Variants in TULP4 observed in about 807,000 individuals in gnomAD.
TULP4 encodes tubby-related protein 4.
TULP4 carries 16 observed loss-of-function variants against 129.0 expected under a neutral mutation model. The observed-to-expected ratio is 0.12, with a 90% CI of 0.08 to 0.19. The LOEUF is 0.19. Ranked by LOEUF, TULP4 falls within the 10% of genes least tolerant of loss-of-function variation. TULP4 has a pLI of 1.00. For missense variants in TULP4, 1,842 were observed against 2,059.1 expected, an observed-to-expected ratio of 0.89 and a Z score of 2.04; for synonymous variants, 998 against 854.0, an observed-to-expected ratio of 1.17 and a Z score of -2.94.
chr6:158,503,154 C>T lies in TULP4; in HGVS notation c.3491C>T (p.Ser1164Phe), dbSNP rs1780508000. ...MLSQGQHLDV[S>F]RLPFISPKSP... The stretch of plus-strand genomic sequence containing the variant: ...AGTCAGGGCCAGCACCTGGACGTGT[C>T]CCGACTGCCCTTCATCTCCCCCAAG... The change falls in exon 13 of 14, where the codon TCC (serine) becomes TTC (phenylalanine). Residue 1164 changes from serine to phenylalanine, a missense_variant. Around this residue, in one of 5 missense-constraint regions of TULP4, gnomAD observed 1,089 missense variants for 987.1 expected, o/e 1.10. Transcript: ENST00000367097. This position sits in a 1 kb window ranked among gnomAD's most constrained non-coding sequence, Gnocchi z 4.3. The T allele has an allele frequency of 4.3e-6, 7 of 1,613,522 alleles. No homozygotes were observed. Among genetic ancestry groups the T allele is most frequent in the Non-Finnish European group, 5.9e-6 (7 of 1,179,606 alleles).
At chr6:158,343,835 AC>A (rs1325264752) in intron 1 of TULP4, among the ~76,000 whole-genome samples, 2 of 152,226 alleles carry the variant, frequency 1.3e-5, no homozygotes, top group Non-Finnish European at 2.9e-5. Context: ...GAAAATACTA[AC>A]AAAGTGAAGT....
upstream of TULP4, among the ~76,000 whole-genome samples, chr6:158,309,291 C>G (rs1435501585): frequency 7.3e-6 from 1 of 137,448 alleles, no homozygotes; most frequent in South Asian, 2.6e-4. Context: ...ACATCCCAGA[C>G]GGGGCGGCGG....
intron 1 of TULP4, among the ~76,000 whole-genome samples, chr6:158,337,652 C>G (rs1280351308): frequency 6.6e-6 from 1 of 152,298 alleles, no homozygotes; most frequent in Non-Finnish European, 1.5e-5. Flanking sequence ...AAAGCCAAGT[C>G]CCTGCACCCA....
At chr6:158,253,291 T>C (rs1349220968) in intron 1 of TULP4, among the ~76,000 whole-genome samples, 1 of 152,230 alleles carries the variant, frequency 6.6e-6, no homozygotes, top group African/African-American at 2.4e-5. Flanking sequence ...GTGTGAGGCA[T>C]GACCAGTCTT....
At chr6:158,298,887 C>T (rs1248157970) in intron 1 of TULP4, among the ~76,000 whole-genome samples, 1 of 152,096 alleles carries the variant, frequency 6.6e-6, no homozygotes, top group East Asian at 1.9e-4. Context: ...GAGGAGCATA[C>T]CTGGGTCAAG....
At chr6:158,499,739 C>G (rs1780402942) in intron 12 of TULP4, among the ~76,000 whole-genome samples, 1 of 152,178 alleles carries the variant, frequency 6.6e-6, no homozygotes. Flanking sequence ...CTGGTTCTTG[C>G]AGTGGACATA....
chr6:158,314,516 C>G (rs1364253267), intron 1 of TULP4, among the ~76,000 whole-genome samples: 1 of 152,186 alleles, frequency 6.6e-6, no homozygotes, highest in African/African-American at 2.4e-5. Context: ...TGCACTGTCT[C>G]TCTTAGAGGG....
At chr6:158,287,951 G>T (rs1283940403) in intron 1 of TULP4, among the ~76,000 whole-genome samples, 1 of 152,178 alleles carries the variant, frequency 6.6e-6, no homozygotes, top group Admixed American at 6.5e-5. Context: ...TACTATTGCA[G>T]CTGTCCTTTA....
At chr6:158,415,349 CTTT>C (rs561619354) in intron 2 of TULP4, among the ~76,000 whole-genome samples, 3 of 130,596 alleles carry the variant, frequency 2.3e-5, no homozygotes, top group Middle Eastern at 3.7e-3. Context: ...GAGTGTGCTT[CTTT>C]TTTTTTTTTT....
chr6:158,255,627 C>T (rs529927139), intron 1 of TULP4, among the ~76,000 whole-genome samples: 1 of 152,278 alleles, frequency 6.6e-6, no homozygotes, highest in Non-Finnish European at 1.5e-5. Context: ...TGTTTTGCTA[C>T]TGGTCTGAGC....
chr6:158,414,120 C>T (rs1299797442), intron 2 of TULP4, among the ~76,000 whole-genome samples: 3 of 152,142 alleles, frequency 2.0e-5, no homozygotes, highest in South Asian at 2.1e-4. Context: ...ATTAGCAGGC[C>T]GAGGATTTCT....
chr6:158,238,969 G>A (rs1430214880), intron 1 of TULP4, among the ~76,000 whole-genome samples: 2 of 139,306 alleles, frequency 1.4e-5, no homozygotes, highest in South Asian at 2.4e-4. Flanking sequence ...GGTGGTGGCC[G>A]GGCAGAGGGG....
intron 3 of TULP4, among the ~76,000 whole-genome samples, chr6:158,445,357 T>C (rs1779012115): frequency 6.6e-6 from 1 of 152,118 alleles, no homozygotes; most frequent in African/African-American, 2.4e-5. Context: ...GAAAGTGTTT[T>C]TGGGGGGTAG....
chr6:158,455,663 G>T (rs1461097682), intron 5 of TULP4, among the ~76,000 whole-genome samples: 1 of 152,002 alleles, frequency 6.6e-6, no homozygotes, highest in Non-Finnish European at 1.5e-5. Context: ...CTTGAACCCG[G>T]GAGGCAGAGG....
chr6:158,389,710 G>T (rs1777541164), intron 1 of TULP4, among the ~76,000 whole-genome samples: 1 of 152,122 alleles, frequency 6.6e-6, no homozygotes, highest in South Asian at 2.1e-4. Context: ...GAGGGCTTTT[G>T]ACACAGCTCC....
At chr6:158,492,409 T>C (rs1010423293) in intron 9 of TULP4, among the ~76,000 whole-genome samples, 1 of 152,248 alleles carries the variant, frequency 6.6e-6, no homozygotes, top group Admixed American at 6.5e-5. Context: ...TATGCAGATA[T>C]CCAGTTACTC....
chr6:158,459,498 A>G (rs1779373515), intron 5 of TULP4, among the ~76,000 whole-genome samples: 1 of 152,012 alleles, frequency 6.6e-6, no homozygotes. Context: ...CCTCAGATAG[A>G]TAGCCCATCT....
rs1780745324 is a variant in TULP4 at position 158,511,751 on chromosome 6, T to C, written c.*5057T>C. The C allele has an allele frequency of 6.6e-6, 1 of 152,228 alleles. No homozygotes were observed. Among genetic ancestry groups the C allele is most frequent in the Non-Finnish European group, 1.5e-5 (1 of 68,048 alleles). The allele number at this position is 152,228 out of a possible 1,614,324, so 9.4% of individuals were successfully genotyped here. On this transcript the variant is annotated 3_prime_UTR_variant, in exon 14 of 14. Transcript: ENST00000367097. ...TCTTTATTACTGAGACGGATTAATC[T>C]CCTTATTTTTTTCTTGATGATTTGA...
intron 1 of TULP4, among the ~76,000 whole-genome samples, chr6:158,260,469 G>A (rs9356552): frequency 0.16 from 23,568 of 151,710 alleles, 2,452 homozygotes; most frequent in East Asian, 0.43. Context: ...CCAGCTACTC[G>A]GGAGGCTGAG....
Sources: allele counts gnomAD v4.1 joint callset (sites outside exome capture counted in the v4.1 genomes callset), GRCh38; gene constraint gnomAD v4.1.1; regional missense constraint gnomAD v4.1.1; non-coding constraint Gnocchi (gnomAD v3.1); transcripts MANE v1.5; gene names NCBI Gene and HGNC (gene_info 2026-07-23, HGNC 2026-07-21).